The following VPS37C variants were observed in gnomAD, a reference collection of about 807,000 sequenced individuals.
The protein encoded by VPS37C is vacuolar protein sorting-associated protein 37C.
VPS37C carries 9 observed loss-of-function variants against 16.1 expected under a neutral mutation model. The ratio of observed to expected loss-of-function variants is 0.56; its 90% CI spans 0.34 to 0.97. VPS37C has a LOEUF of 0.97. VPS37C is among the 50% of genes least tolerant of loss of function. The probability of loss-of-function intolerance (pLI) is 0.02; values close to 1 mark genes in which losing one functional copy is unlikely to be tolerated. For missense variants in VPS37C, 479 were observed against 472.7 expected (o/e 1.01, Z -0.12); for synonymous variants, 207 against 206.4 (o/e 1.00, Z -0.02).
chr11:61,152,660 T>C (rs565563256), intron 1 of VPS37C, among the ~76,000 whole-genome samples: 1 of 152,204 alleles, frequency 6.6e-6, no homozygotes, highest in Non-Finnish European at 1.5e-5. Context: ...TATTTCTCCA[T>C]GGGTTGCTCA....
chr11:61,138,649 C>T lies in VPS37C; in HGVS notation c.93+88G>A, dbSNP rs565770495. On this transcript the variant is annotated intron_variant, in intron 2 of 4. Coordinates refer to ENST00000301765, the MANE Select transcript of VPS37C (RefSeq NM_017966.5). Reference sequence around the variant, plus strand: ...AAAAGGGAGATGAATTTGGCCAAAACTTCCAATAAGCCAGCATCCTTAAAA... The same window carrying T: ...AAAAGGGAGATGAATTTGGCCAAAATTTCCAATAAGCCAGCATCCTTAAAA... 91 of 1,316,870 alleles carry T rather than the reference C, an allele frequency of 6.9e-5. 1 individual carries two copies. The East Asian group carries it at 1.9e-3, about 27-fold the overall frequency. The allele number at this position is 1,316,870 out of a possible 1,614,324, so 81.6% of individuals were successfully genotyped here.
chr11:61,152,516 C>T (rs1010039386), intron 1 of VPS37C, among the ~76,000 whole-genome samples: 3 of 152,166 alleles, frequency 2.0e-5, no homozygotes, highest in African/African-American at 7.2e-5. Context: ...TTCTACACCC[C>T]CCAGTAACCT....
rs754122066 is a variant in VPS37C, at chr11:61,152,792, C to T, written c.-7+8599G>A. Among the ~76,000 whole-genome samples the T allele has an allele frequency of 3.3e-5, 5 of 152,194 alleles. No homozygotes were observed. In the East Asian group the frequency reaches 7.7e-4, roughly 23 times the overall value. Reference sequence around the variant, plus strand: ...CAGGGATCCTGCCCGGCAAGGAATTCGCAGCACAGGCTTCTCCGCCTTTGC... The same window carrying T: ...CAGGGATCCTGCCCGGCAAGGAATTTGCAGCACAGGCTTCTCCGCCTTTGC... On this transcript the variant is annotated intron_variant, in intron 1 of 4. Transcript: ENST00000301765.
intron 1 of VPS37C, among the ~76,000 whole-genome samples, chr11:61,149,256 A>T (rs1853262969): frequency 6.6e-6 from 1 of 152,220 alleles, no homozygotes; most frequent in Non-Finnish European, 1.5e-5. Context: ...ACTGCATCCC[A>T]GCCTCGGCGA....
At chr11:61,138,607 C>T in intron 2 of VPS37C, 130 bp downstream of exon 2, 1 of 807,960 alleles carries the variant, frequency 1.2e-6, no homozygotes, top group Non-Finnish European at 2.0e-6. Flanking sequence ...GAGTCCAAAC[C>T]AGGATGAAGT....
chr11:61,145,999 C>T (rs1386994608), intron 1 of VPS37C, among the ~76,000 whole-genome samples: 3 of 152,304 alleles, frequency 2.0e-5, no homozygotes, highest in South Asian at 2.1e-4. Flanking sequence ...GAGAATAAAT[C>T]GACCCCTTGA....
At chr11:61,148,158 C>T (rs1231233542) in intron 1 of VPS37C, among the ~76,000 whole-genome samples, 1 of 152,168 alleles carries the variant, frequency 6.6e-6, no homozygotes, top group Admixed American at 6.5e-5. Flanking sequence ...CTGCTGAGAT[C>T]GTGCAGGAGG....
intron 1 of VPS37C, among the ~76,000 whole-genome samples, chr11:61,151,241 T>C (rs1328056080): frequency 6.6e-6 from 1 of 152,214 alleles, no homozygotes; most frequent in Non-Finnish European, 1.5e-5. Flanking sequence ...ACTAGACCCC[T>C]GAAGAGTAGG....
intron 3 of VPS37C, 113 bp from the exon 4 acceptor site, chr11:61,133,450 A>AC: frequency 9.3e-7 from 1 of 1,079,158 alleles, no homozygotes; most frequent in Non-Finnish European, 1.3e-6. Flanking sequence ...AGCAGGGTCC[A>AC]CCAAAGGGTC....
chr11:61,136,864 C>T (rs987188628), intron 2 of VPS37C, among the ~76,000 whole-genome samples: 1 of 152,034 alleles, frequency 6.6e-6, no homozygotes, highest in African/African-American at 2.4e-5. Flanking sequence ...TAGAAATTAG[C>T]CAGGTGTGGT....
chr11:61,151,796 C>T (rs1853301629), intron 1 of VPS37C, among the ~76,000 whole-genome samples: 1 of 152,208 alleles, frequency 6.6e-6, no homozygotes. Context: ...CAACAGCATT[C>T]AGCGTCAATC....
intron 2 of VPS37C, among the ~76,000 whole-genome samples, chr11:61,136,321 G>C (rs542920735): frequency 2.1e-4 from 32 of 152,068 alleles, no homozygotes; most frequent in East Asian, 1.2e-3. Context: ...CTACAGGCAC[G>C]TGCCACCACG....
At chr11:61,134,476 A>C (rs1177228031) in intron 2 of VPS37C, among the ~76,000 whole-genome samples, 4 of 152,208 alleles carry the variant, frequency 2.6e-5, no homozygotes, top group African/African-American at 9.6e-5. Flanking sequence ...GCCCAAGGCC[A>C]TGTGATTGAT....
At chr11:61,141,595 G>GC (rs2134638369) in intron 1 of VPS37C, among the ~76,000 whole-genome samples, 1 of 152,262 alleles carries the variant, frequency 6.6e-6, no homozygotes, top group East Asian at 1.9e-4. Flanking sequence ...TCCAGGCCCT[G>GC]CCCCTCGCAC....
intron 2 of VPS37C, among the ~76,000 whole-genome samples, chr11:61,135,121 C>T (rs1237563206): frequency 6.6e-6 from 1 of 152,230 alleles, no homozygotes; most frequent in Non-Finnish European, 1.5e-5. Flanking sequence ...AAGTCAGGCC[C>T]TCACTGTGCA....
intron 2 of VPS37C, among the ~76,000 whole-genome samples, chr11:61,137,044 G>C (rs1861389233): frequency 6.6e-6 from 1 of 152,034 alleles, no homozygotes; most frequent in Non-Finnish European, 1.5e-5. Flanking sequence ...CAAAGTGGGA[G>C]ATAAAACCAT....
At position 61,133,344 on chromosome 11, in the gene VPS37C, G is replaced by GCC. The variant is rs1555013502; in HGVS notation, c.266-8_266-7insGG. Reference sequence around the variant, plus strand: ...AGTGCTGAAGAAAATTTCTCTGGAAGGGAGGGCAGAACGACTGACATTTGA... The same window carrying GCC: ...AGTGCTGAAGAAAATTTCTCTGGAAGCCGGAGGGCAGAACGACTGACATTTGA... On this transcript the variant is annotated splice_region_variant and splice_polypyrimidine_tract_variant and intron_variant, in intron 3 of 4. Transcript: ENST00000301765. 4 of 1,613,694 alleles carry GCC rather than the reference G, an allele frequency of 2.5e-6. No individual in the cohort carries two copies. Among genetic ancestry groups the GCC allele is most frequent in the Non-Finnish European group, 3.4e-6 (4 of 1,179,932 alleles).
intron 1 of VPS37C, among the ~76,000 whole-genome samples, chr11:61,156,916 C>A (rs1378766696): frequency 1.3e-5 from 2 of 152,212 alleles, no homozygotes; most frequent in African/African-American, 2.4e-5. Flanking sequence ...CGTCTTCTGG[C>A]AACCACCATT....
intron 2 of VPS37C, 49 bp downstream of exon 2, chr11:61,138,688 A>G (rs751066742): frequency 1.9e-6 from 3 of 1,574,098 alleles, no homozygotes; most frequent in Non-Finnish European, 2.6e-6. Context: ...GCCTCTTAAC[A>G]AGCCTCATCT....
Sources: allele counts gnomAD v4.1 joint callset (sites outside exome capture counted in the v4.1 genomes callset), GRCh38; gene constraint gnomAD v4.1.1; transcripts MANE v1.5; gene names NCBI Gene and HGNC (gene_info 2026-07-23, HGNC 2026-07-21).